Variants in PHC2 observed in about 807,000 individuals in gnomAD.
The protein encoded by PHC2 is polyhomeotic homolog 2, also known as polyhomeotic-like protein 2.
A neutral mutation model predicts 87.4 loss-of-function variants in PHC2; 29 were observed. That is an observed-to-expected ratio of 0.33 (90% CI 0.25 to 0.45). The LOEUF (loss-of-function observed/expected upper bound fraction) is 0.45, where lower values mean the gene tolerates loss of function less well. PHC2 is among the 20% of genes least tolerant of loss of function. PHC2 has a pLI of 1.00. For missense variants in PHC2, 857 were observed against 1,136.7 expected (o/e 0.75, Z 3.54); for synonymous variants, 438 against 461.7 (o/e 0.95, Z 0.66).
intron 14 of PHC2, chr1:33,326,088 G>T (rs1646364994): frequency 3.0e-6 from 1 of 328,612 alleles, no homozygotes; most frequent in Non-Finnish European, 6.1e-6. Context: ...CTCATGAAGT[G>T]GGTGGTCTAG....
chr1:33,337,395 A>G (rs1646662125), intron 9 of PHC2, among the ~76,000 whole-genome samples: 1 of 152,204 alleles, frequency 6.6e-6, no homozygotes. Context: ...CTGCCCAGTT[A>G]TCCTCGTTCT....
intron 8 of PHC2, 84 bp from the exon 9 acceptor site, chr1:33,354,650 G>T: frequency 6.9e-7 from 1 of 1,448,376 alleles, no homozygotes; most frequent in Non-Finnish European, 9.3e-7. Flanking sequence ...CATGGAGCTT[G>T]GGAAGCAGGT....
At chr1:33,358,506 C>T (rs1647135268) in intron 7 of PHC2, among the ~76,000 whole-genome samples, 1 of 152,056 alleles carries the variant, frequency 6.6e-6, no homozygotes, top group Non-Finnish European at 1.5e-5. Context: ...CAGCATTATC[C>T]TGGATCAAAA....
chr1:33,410,424 C>T (rs1465469669), intron 1 of PHC2, among the ~76,000 whole-genome samples: 2 of 152,192 alleles, frequency 1.3e-5, no homozygotes, highest in Non-Finnish European at 2.9e-5. Flanking sequence ...GGTCATGCTG[C>T]TTCTCGAAGC....
chr1:33,381,148 T>C (rs1648470872), intron 1 of PHC2, among the ~76,000 whole-genome samples: 1 of 152,188 alleles, frequency 6.6e-6, no homozygotes, highest in Non-Finnish European at 1.5e-5. Flanking sequence ...GTGTCTTCCT[T>C]TAAGCCATCC....
rs1170054687 is a variant in PHC2, at chr1:33,375,437, C to G, written c.103G>C (p.Gly35Arg). The change falls in exon 2 of 15, where the codon GGT becomes CGT. Residue 35 changes from glycine to arginine, a missense_variant. Gly to Arg is a moderately radical substitution (Grantham distance 125). Transcript: ENST00000683057. The part of the protein sequence containing the change: ...SSSGCNNSSS[G>R]GSGRPTGPQI... ...GGCCCGGTGGGGCGGCCACTTCCAC[C>G]ACTGCTGCTGTTGTTGCAGCCACTG... The G allele has an allele frequency of 5.0e-6, 8 of 1,612,216 alleles. No homozygotes were observed. Among genetic ancestry groups the G allele is most frequent in the Non-Finnish European group, 6.8e-6 (8 of 1,179,316 alleles).
intron 9 of PHC2, chr1:33,345,218 CTCT>C (rs1425806312): frequency 6.6e-6 from 1 of 152,190 alleles, no homozygotes; most frequent in Admixed American, 6.5e-5. Context: ...TAATAGTCAT[CTCT>C]TCTTAATACA....
chr1:33,393,437 C>G (rs1649157060), intron 1 of PHC2, among the ~76,000 whole-genome samples: 1 of 149,272 alleles, frequency 6.7e-6, no homozygotes, highest in African/African-American at 2.5e-5. Flanking sequence ...AGAGAAGCCA[C>G]ATCACTTATA....
intron 1 of PHC2, among the ~76,000 whole-genome samples, chr1:33,419,112 T>C (rs1401947238): frequency 6.6e-6 from 1 of 152,224 alleles, no homozygotes; most frequent in Admixed American, 6.5e-5. Flanking sequence ...GAAGAATAAA[T>C]GAGTAAATAC....
intron 1 of PHC2, among the ~76,000 whole-genome samples, chr1:33,412,074 T>C (rs562471382): frequency 6.6e-6 from 1 of 152,268 alleles, no homozygotes; most frequent in East Asian, 1.9e-4. Flanking sequence ...TTCAATATCA[T>C]ACTGGAGGTA....
Position 33,355,037 on chromosome 1 carries a change from A to G in PHC2, c.1193T>C (p.Leu398Pro). 6.2e-7 allele frequency: 1 copy of G among 1,613,770 alleles called. No homozygotes were observed. Among genetic ancestry groups the G allele is most frequent in the African/African-American group, 1.3e-5 (1 of 75,022 alleles). The change falls in exon 8 of 15, where the codon CTA (leucine) becomes CCA (proline). Residue 398 changes from leucine to proline, a missense_variant. Leu to Pro is a moderately conservative substitution (Grantham distance 98). Coordinates refer to ENST00000683057, the MANE Select transcript of PHC2 (RefSeq NM_001385109.1). ...QPSSEAHAMP[L>P]GPVTPALPLQ... ...TGGCAGGGCGGGTGTAACCGGGCCT[A>G]GTGGCATGGCATGGGCCTCTGAGCT...
rs953243624 is a variant in PHC2 at position 33,334,748 on chromosome 1, C to T, written c.1559-456G>A. Among the ~76,000 whole-genome samples, 1 of 152,158 alleles carries T rather than the reference C, an allele frequency of 6.6e-6. No individual in the cohort carries two copies. Among genetic ancestry groups the T allele is most frequent in the Non-Finnish European group, 1.5e-5 (1 of 68,030 alleles). Reference sequence around the variant, plus strand: ...TGAGTGTGATAAAGAGAAGCTTCTACGAGGTTCCTTAGAGGAGGGATTTTA... The same window carrying T: ...TGAGTGTGATAAAGAGAAGCTTCTATGAGGTTCCTTAGAGGAGGGATTTTA... On this transcript the variant is annotated intron_variant, in intron 9 of 14. Transcript: ENST00000683057. This position sits in a 1 kb window ranked among gnomAD's most constrained non-coding sequence, Gnocchi z 5.5.
At chr1:33,389,262 C>T (rs1462364135) in intron 1 of PHC2, among the ~76,000 whole-genome samples, 3 of 152,024 alleles carry the variant, frequency 2.0e-5, no homozygotes, top group African/African-American at 7.3e-5. Flanking sequence ...AAGCTCTGTG[C>T]AGTAAAAGCA....
chr1:33,355,125 CA>C lies in PHC2; in HGVS notation c.1104del (p.Val369CysfsTer30). On this transcript the variant is annotated frameshift_variant, in exon 8 of 15. Coordinates refer to ENST00000683057, the MANE Select transcript of PHC2 (RefSeq NM_001385109.1). LOFTEE classifies it high-confidence loss of function. The stretch of plus-strand genomic sequence containing the variant: ...TGGGGGTGGGGCTCAGCTTGGAGCA[CA>C]GGCCGTGACTGCTGGGGCGGCGGCT... ...QQQPPPQQSRPVLQAEPHPQL... is the reference protein window; with the variant it reads ...QQQPPPQQSRXVLQAEPHPQL... 1 of 1,611,256 alleles carries C rather than the reference CA, an allele frequency of 6.2e-7. No homozygotes were observed. Among genetic ancestry groups the C allele is most frequent in the South Asian group, 1.1e-5 (1 of 90,822 alleles).
At chr1:33,370,297 C>A in intron 5 of PHC2, 124 bp downstream of exon 5, 1 of 869,328 alleles carries the variant, frequency 1.2e-6, no homozygotes, top group Non-Finnish European at 1.8e-6. Context: ...CTTTATCCCA[C>A]CCCTTATCTC....
chr1:33,357,480 G>A (rs562448214), intron 7 of PHC2, among the ~76,000 whole-genome samples: 6 of 152,336 alleles, frequency 3.9e-5, no homozygotes, highest in East Asian at 3.9e-4. Flanking sequence ...ACTGACTGTC[G>A]TAGTCAGAGA....
chr1:33,370,714 T>A (rs2148325454), intron 4 of PHC2, 129 bp from the exon 5 acceptor site: 1 of 923,612 alleles, frequency 1.1e-6, no homozygotes, highest in East Asian at 2.7e-5. Context: ...ACGTCTGTGG[T>A]CCTTGGCTTT....
chr1:33,372,531 G>T (rs1557838408), intron 2 of PHC2, 84 bp from the exon 3 acceptor site: 2 of 1,291,986 alleles, frequency 1.5e-6, no homozygotes, highest in Non-Finnish European at 2.1e-6. Flanking sequence ...GCCCACCCCA[G>T]GTCTCTATAA....
At chr1:33,420,523 C>T (rs994330749) in intron 1 of PHC2, among the ~76,000 whole-genome samples, 4 of 152,216 alleles carry the variant, frequency 2.6e-5, no homozygotes, top group Admixed American at 2.6e-4. Context: ...CCCTACATTA[C>T]ACAGCAATGA....
Sources: gnomAD v4.1 joint callset for allele counts (sites outside exome capture counted in the v4.1 genomes callset) on GRCh38, gnomAD v4.1.1 for gene constraint, Gnocchi (gnomAD v3.1) non-coding constraint, MANE v1.5 for transcripts, NCBI Gene and HGNC (gene_info 2026-07-23, HGNC 2026-07-21) for gene names.